Variants in MAGI1 observed in about 807,000 individuals in gnomAD.
MAGI1 encodes membrane-associated guanylate kinase, WW and PDZ domain-containing protein 1.
MAGI1 carries 58 observed loss-of-function variants against 139.9 expected under a neutral mutation model. The observed-to-expected ratio is 0.41, with a 90% CI of 0.34 to 0.52. MAGI1 has a LOEUF of 0.52. Among genes scored for constraint, MAGI1 ranks in the 20% least tolerant of loss-of-function variants. The pLI, the probability that MAGI1 is intolerant of heterozygous loss-of-function variation, is 0.12. For missense variants in MAGI1, 1,874 were observed against 1,901.6 expected, an observed-to-expected ratio of 0.99 and a Z score of 0.27; for synonymous variants, 812 against 737.9, an observed-to-expected ratio of 1.10 and a Z score of -1.63.
intron 2 of MAGI1, among the ~76,000 whole-genome samples, chr3:65,529,952 C>A (rs1319893556): frequency 6.6e-6 from 1 of 152,170 alleles, no homozygotes; most frequent in Non-Finnish European, 1.5e-5. Flanking sequence ...CCCTCTCCCA[C>A]CTTCACATTT....
At chr3:65,848,066 G>C (rs1054667721) in intron 1 of MAGI1, among the ~76,000 whole-genome samples, 1 of 152,124 alleles carries the variant, frequency 6.6e-6, no homozygotes, top group African/African-American at 2.4e-5. Flanking sequence ...GAACAAAGGA[G>C]ACAACCAGAG....
rs146149994 is a variant in MAGI1, at chr3:65,824,140, A to G, written c.314-202052T>C. On this transcript the variant is annotated intron_variant, in intron 1 of 22. Coordinates refer to ENST00000402939, the MANE Select transcript of MAGI1 (RefSeq NM_001033057.2). The stretch of plus-strand genomic sequence containing the variant: ...GAAAATTTTAAGAATTGTTTTCATT[A>G]AAAAAGGAATAAAAGTTATTTTGCC... Among the ~76,000 whole-genome samples, 277 of 152,338 alleles carry G rather than the reference A, an allele frequency of 1.8e-3. 4 individuals carry two copies. Among genetic ancestry groups the G allele is most frequent in the African/African-American group, 6.4e-3 (268 of 41,578 alleles).
At chr3:65,542,591 T>G (rs549100943) in intron 2 of MAGI1, among the ~76,000 whole-genome samples, 1 of 151,868 alleles carries the variant, frequency 6.6e-6, no homozygotes, top group Non-Finnish European at 1.5e-5. Flanking sequence ...GCCTCAGAAA[T>G]AACACCACAC....
chr3:65,390,358 A>C (rs2106980532), intron 14 of MAGI1, among the ~76,000 whole-genome samples: 1 of 152,234 alleles, frequency 6.6e-6, no homozygotes, highest in South Asian at 2.1e-4. Context: ...TAGCTGCCTC[A>C]CCCTGACCAT....
chr3:65,508,383 G>A (rs908003902), intron 2 of MAGI1, among the ~76,000 whole-genome samples: 4 of 151,752 alleles, frequency 2.6e-5, no homozygotes, highest in Non-Finnish European at 4.4e-5. Context: ...CTGCCTGGGT[G>A]ACAGAGTGAG....
At chr3:65,383,754 A>T in intron 14 of MAGI1, 131 bp from the exon 15 acceptor site, 1 of 691,020 alleles carries the variant, frequency 1.4e-6, no homozygotes, top group Non-Finnish European at 2.6e-6. Context: ...ATAGGCAAAG[A>T]AACAAAATAC....
chr3:65,553,943 A>G (rs116549412), intron 2 of MAGI1, among the ~76,000 whole-genome samples: 31 of 152,352 alleles, frequency 2.0e-4, no homozygotes, highest in Non-Finnish European at 3.7e-4. Flanking sequence ...GAGACAATAT[A>G]GGCAAATCAT....
At chr3:65,758,722 A>G (rs1268537577) in intron 1 of MAGI1, among the ~76,000 whole-genome samples, 1 of 152,070 alleles carries the variant, frequency 6.6e-6, no homozygotes, top group African/African-American at 2.4e-5. Flanking sequence ...CTACAACAAG[A>G]AGTATTCGGC....
At chr3:65,742,237 G>A (rs893556935) in intron 1 of MAGI1, among the ~76,000 whole-genome samples, 1 of 152,044 alleles carries the variant, frequency 6.6e-6, no homozygotes. Flanking sequence ...CACTTTCAAT[G>A]AATCAGGTTC....
At chr3:65,998,565 T>G (rs2066576895) in intron 1 of MAGI1, among the ~76,000 whole-genome samples, 2 of 152,194 alleles carry the variant, frequency 1.3e-5, no homozygotes, top group African/African-American at 4.8e-5. Context: ...AATTACATAT[T>G]TAGAGGTTAA....
At chr3:65,831,742 T>C (rs898454014) in intron 1 of MAGI1, among the ~76,000 whole-genome samples, 4 of 152,212 alleles carry the variant, frequency 2.6e-5, no homozygotes, top group African/African-American at 9.6e-5. Flanking sequence ...GAGAATTTAC[T>C]TGTGTGAATG....
intron 2 of MAGI1, among the ~76,000 whole-genome samples, chr3:65,580,899 A>C (rs907436764): frequency 6.6e-6 from 1 of 152,152 alleles, no homozygotes; most frequent in Non-Finnish European, 1.5e-5. Flanking sequence ...ATTTAGATTC[A>C]AAATACCCAG....
At chr3:65,889,184 C>T (rs143659588) in intron 1 of MAGI1, among the ~76,000 whole-genome samples, 2 of 152,306 alleles carry the variant, frequency 1.3e-5, no homozygotes, top group East Asian at 3.9e-4. Flanking sequence ...AGTGATCCTT[C>T]AGTTGACCTG....
intron 2 of MAGI1, among the ~76,000 whole-genome samples, chr3:65,591,815 C>T (rs2081976371): frequency 6.6e-6 from 1 of 152,138 alleles, no homozygotes; most frequent in Admixed American, 6.6e-5. Context: ...TGGCTTTTAC[C>T]CAGTTATGCA....
At chr3:65,416,083 G>C (rs904797300) in intron 12 of MAGI1, among the ~76,000 whole-genome samples, 2 of 152,158 alleles carry the variant, frequency 1.3e-5, no homozygotes, top group African/African-American at 4.8e-5. Context: ...ACCTAAGAGC[G>C]TGTAGACCTA....
chr3:66,013,163 G>A (rs921915042), intron 1 of MAGI1, among the ~76,000 whole-genome samples: 4 of 152,104 alleles, frequency 2.6e-5, no homozygotes, highest in African/African-American at 9.7e-5. Flanking sequence ...CAGCACTTTG[G>A]GAGGCCGAGG....
chr3:65,858,614 C>A (rs1287783499), intron 1 of MAGI1, among the ~76,000 whole-genome samples: 1 of 152,174 alleles, frequency 6.6e-6, no homozygotes, highest in Non-Finnish European at 1.5e-5. Context: ...ATCACAGGAT[C>A]TAATTATGAA....
intron 1 of MAGI1, among the ~76,000 whole-genome samples, chr3:65,994,357 G>C (rs186191792): frequency 1.3e-5 from 2 of 150,444 alleles, no homozygotes; most frequent in Admixed American, 1.3e-4. Context: ...ACACAGCAAA[G>C]AGTGAGAGAC....
intron 1 of MAGI1, among the ~76,000 whole-genome samples, chr3:65,754,038 T>C (rs1422892269): frequency 6.6e-6 from 1 of 152,086 alleles, no homozygotes; most frequent in East Asian, 1.9e-4. Flanking sequence ...TTATACAAAA[T>C]CTTTCTCATT....
Sources: allele counts gnomAD v4.1 joint callset (sites outside exome capture counted in the v4.1 genomes callset), GRCh38; gene constraint gnomAD v4.1.1; transcripts MANE v1.5; gene names NCBI Gene and HGNC (gene_info 2026-07-23, HGNC 2026-07-21).